Variants in ADGRL2 observed in about 807,000 individuals in gnomAD.
ADGRL2 encodes adhesion G protein-coupled receptor L2, also known as calcium-independent alpha-latrotoxin receptor 2.
In ADGRL2, 44 loss-of-function variants were observed where a neutral mutation model predicts 157.4. That is an observed-to-expected ratio of 0.28 (90% CI 0.22 to 0.36). The LOEUF (loss-of-function observed/expected upper bound fraction) is 0.36, where lower values mean the gene tolerates loss of function less well. Among genes scored for constraint, ADGRL2 ranks in the 10% least tolerant of loss-of-function variants. The probability of loss-of-function intolerance (pLI) is 1.00; values close to 1 mark genes in which losing one functional copy is unlikely to be tolerated. For missense variants in ADGRL2, 1,510 were observed against 1,768.9 expected (o/e 0.85, Z 2.63); for synonymous variants, 585 against 624.7 (o/e 0.94, Z 0.95).
intron 3 of ADGRL2, among the ~76,000 whole-genome samples, chr1:81,918,188 G>T (rs1174665552): frequency 2.0e-5 from 3 of 152,108 alleles, no homozygotes; most frequent in Non-Finnish European, 4.4e-5. Context: ...AACTATTCTG[G>T]TGAAGAAATG....
chr1:81,852,300 T>C (rs1327195837), intron 2 of ADGRL2, among the ~76,000 whole-genome samples: 1 of 152,068 alleles, frequency 6.6e-6, no homozygotes, highest in South Asian at 2.1e-4. Flanking sequence ...TATTGCTGTT[T>C]GATAAGTCAA....
At chr1:81,568,392 T>A (rs1338369824) in intron 2 of ADGRL2, among the ~76,000 whole-genome samples, 2 of 152,118 alleles carry the variant, frequency 1.3e-5, no homozygotes, top group Admixed American at 1.3e-4. Flanking sequence ...ATCCTATTAA[T>A]CCCATCTAGC....
chr1:81,841,993 A>G (rs1489214259), intron 2 of ADGRL2, among the ~76,000 whole-genome samples: 1 of 152,240 alleles, frequency 6.6e-6, no homozygotes, highest in South Asian at 2.1e-4. Flanking sequence ...AAGTGATGAT[A>G]CGGCAGAATC....
intron 1 of ADGRL2, among the ~76,000 whole-genome samples, chr1:81,752,038 A>G (rs939886510): frequency 6.6e-6 from 1 of 152,124 alleles, no homozygotes; most frequent in Non-Finnish European, 1.5e-5. Context: ...TTCTCCCCCA[A>G]ATTCATATGT....
At chr1:81,535,964 C>T (rs536105365) in intron 2 of ADGRL2, among the ~76,000 whole-genome samples, 27 of 152,216 alleles carry the variant, frequency 1.8e-4, no homozygotes, top group African/African-American at 6.3e-4. Flanking sequence ...TTCCTAACTG[C>T]ACATACAAAC....
chr1:81,363,488 A>G (rs2076012702), intron 1 of ADGRL2, among the ~76,000 whole-genome samples: 1 of 152,116 alleles, frequency 6.6e-6, no homozygotes, highest in South Asian at 2.1e-4. Flanking sequence ...AGGACTATCC[A>G]CTGGGTAGAA....
At chr1:81,354,123 T>C (rs2100855007) in intron 1 of ADGRL2, among the ~76,000 whole-genome samples, 1 of 152,334 alleles carries the variant, frequency 6.6e-6, no homozygotes, top group African/African-American at 2.4e-5. Flanking sequence ...ACTTGGAGTC[T>C]AATTTAATGG....
In ADGRL2 at chr1:81,985,334, A is replaced by T. The variant is rs111590235; in HGVS notation, c.3487A>T (p.Ser1163Cys). The T allele has an allele frequency of 1.9e-6, 3 of 1,603,018 alleles. No individual in the cohort carries two copies. The part of the protein sequence containing the change: ...ESSFISGDIN[S>C]TSTLNQGMTG... Reference sequence around the variant, plus strand: ...TTCTTTTATCTCAGGTGACATCAATAGCACTTCAACACTTAATCAAGGTCA... The same window carrying T: ...TTCTTTTATCTCAGGTGACATCAATTGCACTTCAACACTTAATCAAGGTCA... Residue 1163 changes from serine to cysteine, a missense_variant, in exon 21 of 24, where the codon AGC becomes TGC. Coordinates refer to ENST00000686636, the MANE Select transcript of ADGRL2 (RefSeq NM_001366006.2).
chr1:81,917,776 C>T (rs1033322036), intron 3 of ADGRL2, among the ~76,000 whole-genome samples: 1 of 151,924 alleles, frequency 6.6e-6, no homozygotes, highest in African/African-American at 2.4e-5. Flanking sequence ...TTTTTCAGAC[C>T]GCAGATCTGT....
At chr1:81,554,164 G>T (rs929422706) in intron 2 of ADGRL2, among the ~76,000 whole-genome samples, 1 of 152,180 alleles carries the variant, frequency 6.6e-6, no homozygotes, top group Non-Finnish European at 1.5e-5. Flanking sequence ...AACATGAGAG[G>T]TATTTGTTGT....
chr1:81,877,988 T>C (rs2093886183), intron 2 of ADGRL2, among the ~76,000 whole-genome samples: 1 of 152,186 alleles, frequency 6.6e-6, no homozygotes, highest in Non-Finnish European at 1.5e-5. Context: ...GCAATGTTTA[T>C]TATAAAAATC....
chr1:81,397,873 T>A (rs2101208060), intron 1 of ADGRL2, among the ~76,000 whole-genome samples: 1 of 152,282 alleles, frequency 6.6e-6, no homozygotes, highest in Non-Finnish European at 1.5e-5. Context: ...TCTTGGTTGA[T>A]TTTTTCGTCT....
chr1:81,609,953 T>C (rs1057469263), intron 3 of ADGRL2, among the ~76,000 whole-genome samples: 2 of 152,226 alleles, frequency 1.3e-5, no homozygotes, highest in Non-Finnish European at 2.9e-5. Flanking sequence ...TGACATTCGC[T>C]ATGCTAATTA....
At chr1:81,343,087 C>CCTTTTTTTTTTTTTTT (rs1662198857) in intron 1 of ADGRL2, among the ~76,000 whole-genome samples, 1 of 127,490 alleles carries the variant, frequency 7.8e-6, no homozygotes, top group African/African-American at 2.9e-5. Flanking sequence ...TTTCTTTTTT[C>CCTTTTTTTTTTTTTTT]TTTTCTTTTT....
At chr1:81,802,887 G>C (rs1306902780) in intron 1 of ADGRL2, among the ~76,000 whole-genome samples, 1 of 152,194 alleles carries the variant, frequency 6.6e-6, no homozygotes, top group Non-Finnish European at 1.5e-5. Context: ...AGCGCAGCCA[G>C]ATGTGGTCGG....
chr1:81,391,602 CTTTA>C (rs1178424809), intron 1 of ADGRL2, among the ~76,000 whole-genome samples: 1 of 118,574 alleles, frequency 8.4e-6, no homozygotes, highest in Non-Finnish European at 1.9e-5. Context: ...TCCTCTGCTC[CTTTA>C]TTTATCTTTA....
rs139405983 is a variant in ADGRL2 at position 81,358,798 on chromosome 1, T to C, written c.-302+52289T>C. Among the ~76,000 whole-genome samples, 441 of 152,268 alleles carry C rather than the reference T, an allele frequency of 2.9e-3. 3 individuals are homozygous for C. Among genetic ancestry groups the C allele is most frequent in the African/African-American group, 0.01 (425 of 41,584 alleles). On this transcript the variant is annotated intron_variant, in intron 1 of 24. Coordinates refer to the ADGRL2 transcript ENST00000370721. ...GATGAGTTATAATAGGAAAGCAAGATAGTAATTAATCAATTACACAAACTT... is the reference window on the plus strand; with the variant it reads ...GATGAGTTATAATAGGAAAGCAAGACAGTAATTAATCAATTACACAAACTT...
intron 3 of ADGRL2, among the ~76,000 whole-genome samples, chr1:81,920,987 A>G (rs1217964689): frequency 6.6e-6 from 1 of 152,008 alleles, no homozygotes; most frequent in Non-Finnish European, 1.5e-5. Context: ...TTGTGGCTCT[A>G]TTAAGCTTTT....
At chr1:81,987,991 C>T (rs973667337) in intron 23 of ADGRL2, 105 bp downstream of exon 23, 15 of 243,538 alleles carry the variant, frequency 6.2e-5, no homozygotes, top group Admixed American at 1.6e-4. Context: ...GTAGACTCAG[C>T]GGGCAAGTGG....
Sources: gnomAD v4.1 joint callset for allele counts (sites outside exome capture counted in the v4.1 genomes callset) on GRCh38, gnomAD v4.1.1 for gene constraint, MANE v1.5 for transcripts, NCBI Gene and HGNC (gene_info 2026-07-23, HGNC 2026-07-21) for gene names.